The following MAMDC2 variants were observed in gnomAD, a reference collection of about 807,000 sequenced individuals.
MAMDC2 encodes the protein MAM domain containing 2.
In MAMDC2, 57 loss-of-function variants were observed where a neutral mutation model predicts 89.8. That is an observed-to-expected ratio of 0.63 (90% CI 0.51 to 0.79). The LOEUF (loss-of-function observed/expected upper bound fraction) is 0.79. Ranked by LOEUF, MAMDC2 falls within the 30% of genes least tolerant of loss-of-function variation. The pLI is 0.00. For synonymous variants in MAMDC2, 313 were observed against 293.4 expected, an observed-to-expected ratio of 1.07 and a Z score of -0.68; for missense variants, 800 against 820.6, an observed-to-expected ratio of 0.97 and a Z score of 0.31.
In MAMDC2 at chr9:70,126,141, T is replaced by C. The variant is rs1332630061; in HGVS notation, c.644-18T>C. On this transcript the variant is annotated intron_variant, in intron 5 of 13. Coordinates refer to ENST00000377182, the MANE Select transcript of MAMDC2 (RefSeq NM_153267.5). ...ACCCCCAACTCTTAACACTGTGCTC[T>C]GTCTGTGTGATTTTCAGGCCACTAC... The C allele has an allele frequency of 1.9e-6, 3 of 1,590,088 alleles. No homozygotes were observed. The highest frequency in any genetic ancestry group is 2.2e-5 in the South Asian group (2 of 89,002).
intron 6 of MAMDC2, among the ~76,000 whole-genome samples, chr9:70,127,319 C>T (rs960045190): frequency 6.6e-6 from 1 of 152,100 alleles, no homozygotes; most frequent in Non-Finnish European, 1.5e-5. Context: ...TAAAATCTGA[C>T]CGAAAGCTGA....
At chr9:70,082,413 A>G (rs1000329524) in intron 2 of MAMDC2, among the ~76,000 whole-genome samples, 10 of 152,162 alleles carry the variant, frequency 6.6e-5, no homozygotes, top group Admixed American at 2.6e-4. Context: ...TAAAAAAGGC[A>G]TCTTCAAAAG....
intron 2 of MAMDC2, chr9:70,071,691 T>C (rs1827414108): frequency 1.3e-5 from 2 of 152,158 alleles, no homozygotes; most frequent in Admixed American, 6.5e-5. Context: ...GTTGAAAGCA[T>C]TTCCATTTGG....
At chr9:70,205,331 T>C (rs2033202825) in intron 11 of MAMDC2, among the ~76,000 whole-genome samples, 1 of 152,164 alleles carries the variant, frequency 6.6e-6, no homozygotes, top group Non-Finnish European at 1.5e-5. Context: ...TAACTCCTCA[T>C]TTATGACAGC....
chr9:70,126,212 C>G lies in MAMDC2; in HGVS notation c.697C>G (p.Gln233Glu), dbSNP rs770085814. 5 of 1,613,946 alleles carry G rather than the reference C, an allele frequency of 3.1e-6. No homozygotes were observed. The highest frequency in any genetic ancestry group is 4.2e-6 in the Non-Finnish European group (5 of 1,180,002). Residue 233 changes from glutamine to glutamate, a missense_variant, in exon 6 of 14, where the codon CAG becomes GAG. Transcript: ENST00000377182. ...TGTGAAGCACTTCCAGGAGGTGGCA[C>G]AGCTCATCTCCCCGTTGACCACGGC... ...VYVKHFQEVA[Q>E]LISPLTTAPM...
intron 6 of MAMDC2, among the ~76,000 whole-genome samples, chr9:70,130,273 C>T (rs558764751): frequency 2.0e-5 from 3 of 152,116 alleles, no homozygotes; most frequent in African/African-American, 7.2e-5. Context: ...TGACTTCCCA[C>T]ATATCAGCAA....
At chr9:70,060,404 C>A (rs981427226) in intron 2 of MAMDC2, among the ~76,000 whole-genome samples, 1 of 152,164 alleles carries the variant, frequency 6.6e-6, no homozygotes, top group Non-Finnish European at 1.5e-5. Context: ...AGACTTCCTG[C>A]CTAAGTGATG....
intron 11 of MAMDC2, among the ~76,000 whole-genome samples, chr9:70,180,566 A>G (rs899789105): frequency 2.0e-4 from 30 of 152,188 alleles, no homozygotes; most frequent in African/African-American, 7.2e-4. Flanking sequence ...TCTAACTGGC[A>G]TGAGATGGTA....
chr9:70,173,706 T>G (rs2032419016), intron 11 of MAMDC2, among the ~76,000 whole-genome samples: 1 of 152,134 alleles, frequency 6.6e-6, no homozygotes, highest in South Asian at 2.1e-4. Context: ...TAATGAAGAC[T>G]GTGGAATGCC....
intron 11 of MAMDC2, among the ~76,000 whole-genome samples, chr9:70,202,640 AT>A (rs2033127207): frequency 6.9e-6 from 1 of 143,944 alleles, no homozygotes; most frequent in Admixed American, 7.0e-5. Flanking sequence ...GATCTGTCTA[AT>A]GTTGACAGTG....
chr9:70,203,963 T>A (rs10268164), intron 11 of MAMDC2, among the ~76,000 whole-genome samples: 69,548 of 128,396 alleles, frequency 0.54, 23,524 homozygotes, highest in Non-Finnish European at 0.71. Flanking sequence ...TCTTCTAAAT[T>A]TTTTTCAAAG....
intron 2 of MAMDC2, among the ~76,000 whole-genome samples, chr9:70,093,376 T>A (rs1827950911): frequency 6.6e-6 from 1 of 152,102 alleles, no homozygotes; most frequent in Non-Finnish European, 1.5e-5. Flanking sequence ...TTACTCATTA[T>A]CTTCTGATGT....
chr9:70,186,048 T>C (rs2032748226), intron 11 of MAMDC2, among the ~76,000 whole-genome samples: 1 of 151,724 alleles, frequency 6.6e-6, no homozygotes, highest in African/African-American at 2.4e-5. Flanking sequence ...TTATTGTTTA[T>C]ATTCCTTTAC....
Position 70,109,703 on chromosome 9 carries a change from C to G in MAMDC2, c.421-17C>G. 6.3e-7 allele frequency: 1 copy of G among 1,592,238 alleles called. No individual in the cohort carries two copies. Among genetic ancestry groups the G allele is most frequent in the Non-Finnish European group, 8.6e-7 (1 of 1,161,044 alleles). On this transcript the variant is annotated splice_polypyrimidine_tract_variant and intron_variant, in intron 3 of 13. Coordinates refer to ENST00000377182, the MANE Select transcript of MAMDC2 (RefSeq NM_153267.5). Reference sequence around the variant, plus strand: ...GTTTTGAAGTCTAACTCCCCTTCTTCCCCATATGTTGTGCAGATTTTAATA... The same window carrying G: ...GTTTTGAAGTCTAACTCCCCTTCTTGCCCATATGTTGTGCAGATTTTAATA...
intron 2 of MAMDC2, among the ~76,000 whole-genome samples, chr9:70,059,507 C>T (rs578050436): frequency 3.3e-5 from 5 of 152,246 alleles, no homozygotes; most frequent in East Asian, 1.9e-4. Flanking sequence ...TTCCTCCTCC[C>T]GCTGGCTCTT....
chr9:70,113,027 T>C lies in MAMDC2; in HGVS notation c.538T>C (p.Phe180Leu). The C allele has an allele frequency of 1.2e-6, 2 of 1,614,158 alleles. No individual in the cohort carries two copies. Among genetic ancestry groups the C allele is most frequent in the Admixed American group, 1.7e-5 (1 of 60,020 alleles). The change falls in exon 5 of 14, where the codon TTT becomes CTT. Residue 180 changes from phenylalanine (F) to leucine (L), a missense_variant. Physicochemically the swap from Phe to Leu is conservative, Grantham distance 22 (BLOSUM62 0). Transcript: ENST00000377182. ...CDFEENHLCG[F>L]VNRWNPNVNW... is the part of the protein sequence containing the mutation. ...CTTTGAAGAAAATCATCTCTGTGGC[T>C]TTGTGAACCGCTGGAATCCCAATGT...
intron 9 of MAMDC2, among the ~76,000 whole-genome samples, chr9:70,147,687 A>G (rs2031453497): frequency 6.7e-6 from 1 of 150,090 alleles, no homozygotes. Flanking sequence ...ACAATTACTG[A>G]ACTTTCACAT....
At chr9:70,074,112 G>C (rs1347636547) in intron 2 of MAMDC2, among the ~76,000 whole-genome samples, 1 of 152,182 alleles carries the variant, frequency 6.6e-6, no homozygotes, top group Non-Finnish European at 1.5e-5. Context: ...TAAATGAAAG[G>C]ATGCTGTTTG....
chr9:70,198,396 T>C (rs953401687), intron 11 of MAMDC2, among the ~76,000 whole-genome samples: 6 of 152,098 alleles, frequency 3.9e-5, no homozygotes, highest in African/African-American at 1.4e-4. Context: ...TATAATTTTA[T>C]TAACATTTAT....
Sources: gnomAD v4.1 joint callset for allele counts (sites outside exome capture counted in the v4.1 genomes callset) on GRCh38, gnomAD v4.1.1 for gene constraint, MANE v1.5 for transcripts, NCBI Gene and HGNC (gene_info 2026-07-23, HGNC 2026-07-21) for gene names.